The following CAMK1D variants were observed in gnomAD, a reference collection of about 807,000 sequenced individuals.
CAMK1D encodes calcium/calmodulin dependent protein kinase ID.
In CAMK1D, 9 loss-of-function variants were observed where a neutral mutation model predicts 47.7. That is an observed-to-expected ratio of 0.19 (90% CI 0.11 to 0.33). The LOEUF (loss-of-function observed/expected upper bound fraction) is 0.33, where lower values mean the gene tolerates loss of function less well. Among genes scored for constraint, CAMK1D ranks in the 10% least tolerant of loss-of-function variants. The pLI, the probability that CAMK1D is intolerant of heterozygous loss-of-function variation, is 1.00. For synonymous variants in CAMK1D, 184 were observed against 184.9 expected, an observed-to-expected ratio of 0.99 and a Z score of 0.04; for missense variants, 291 against 488.7, an observed-to-expected ratio of 0.60 and a Z score of 3.81.
intron 1 of CAMK1D, among the ~76,000 whole-genome samples, chr10:12,432,878 G>A (rs1367886569): frequency 1.3e-5 from 2 of 152,128 alleles, no homozygotes; most frequent in Admixed American, 1.3e-4. Flanking sequence ...AGATGGTGCC[G>A]TCTCGGCAAT....
At chr10:12,630,901 G>A (rs1369878156) in intron 2 of CAMK1D, among the ~76,000 whole-genome samples, 2 of 152,180 alleles carry the variant, frequency 1.3e-5, no homozygotes, top group African/African-American at 4.8e-5. Flanking sequence ...GGATCAGTGA[G>A]GGACAGGAGG....
At position 12,749,460 on chromosome 10, in the gene CAMK1D, AAAAAG is replaced by A. The variant is rs1252437804; in HGVS notation, c.300-11484_300-11480del. On this transcript the variant is annotated intron_variant, in intron 3 of 10. Coordinates refer to ENST00000619168, the MANE Select transcript of CAMK1D (RefSeq NM_153498.4). ...TAGAAAGTTAAAAAAAAAAAAAAAA[AAAAAG>A]AAATCCATTGTAAGAATGGCTTTTG... Among the ~76,000 whole-genome samples the A allele has an allele frequency of 2.0e-5, 3 of 151,220 alleles. No individual in the cohort carries two copies. The East Asian group carries it at 5.8e-4, about 29-fold the overall frequency.
intron 1 of CAMK1D, among the ~76,000 whole-genome samples, chr10:12,462,097 T>C (rs1833446115): frequency 6.6e-6 from 1 of 152,032 alleles, no homozygotes; most frequent in South Asian, 2.1e-4. Flanking sequence ...GTTAATTTTA[T>C]GAAAATTCAC....
At chr10:12,509,060 C>T (rs977434469) in intron 1 of CAMK1D, among the ~76,000 whole-genome samples, 3 of 152,168 alleles carry the variant, frequency 2.0e-5, no homozygotes, top group African/African-American at 7.2e-5. Flanking sequence ...AGAGTCTTGA[C>T]CATTCACAGC....
At chr10:12,748,732 G>A (rs1267089489) in intron 3 of CAMK1D, among the ~76,000 whole-genome samples, 1 of 152,110 alleles carries the variant, frequency 6.6e-6, no homozygotes, top group Non-Finnish European at 1.5e-5. Flanking sequence ...CCATCAGTGG[G>A]GATTGATAAT....
chr10:12,807,552 A>T (rs747538638), intron 6 of CAMK1D, among the ~76,000 whole-genome samples: 7 of 152,170 alleles, frequency 4.6e-5, no homozygotes, highest in Middle Eastern at 3.2e-3. Flanking sequence ...GCCTTCAAAG[A>T]ACTGCCTGGA....
chr10:12,555,252 G>A (rs1588627994), intron 2 of CAMK1D, among the ~76,000 whole-genome samples: 1 of 152,140 alleles, frequency 6.6e-6, no homozygotes, highest in African/African-American at 2.4e-5. Flanking sequence ...TCCACCCAAC[G>A]ATGTTCAGCC....
At chr10:12,645,098 T>A (rs1839777202) in intron 2 of CAMK1D, among the ~76,000 whole-genome samples, 1 of 152,184 alleles carries the variant, frequency 6.6e-6, no homozygotes, top group Non-Finnish European at 1.5e-5. Flanking sequence ...TATCCTCCTC[T>A]GCCTTCTTTG....
chr10:12,732,537 G>C (rs10795978), intron 3 of CAMK1D, among the ~76,000 whole-genome samples: 1 of 151,836 alleles, frequency 6.6e-6, no homozygotes, highest in Non-Finnish European at 1.5e-5. Flanking sequence ...CACTTCTTAC[G>C]TGGTGGCCGC....
chr10:12,706,471 A>G (rs1017600090), intron 3 of CAMK1D, among the ~76,000 whole-genome samples: 5 of 152,110 alleles, frequency 3.3e-5, no homozygotes, highest in African/African-American at 1.2e-4. Context: ...CAGCACTTTG[A>G]GAGGTCAAGG....
intron 2 of CAMK1D, among the ~76,000 whole-genome samples, chr10:12,653,980 C>G (rs1840051122): frequency 6.6e-6 from 1 of 152,116 alleles, no homozygotes; most frequent in South Asian, 2.1e-4. Context: ...ATGTGGGTAT[C>G]AGCACAGAGA....
At position 12,541,176 on chromosome 10, in the gene CAMK1D, C is replaced by A. The variant is rs542618761; in HGVS notation, c.93-12049C>A. On this transcript the variant is annotated intron_variant, in intron 1 of 10. Coordinates refer to ENST00000619168, the MANE Select transcript of CAMK1D (RefSeq NM_153498.4). Reference sequence around the variant, plus strand: ...TTCCAGATTGGGCCTGGCTTTTCTTCGGTCAGTGTGCTGAATTAGCACTAC... The same window carrying A: ...TTCCAGATTGGGCCTGGCTTTTCTTAGGTCAGTGTGCTGAATTAGCACTAC... Among the ~76,000 whole-genome samples, 6 of 152,204 alleles carry A rather than the reference C, an allele frequency of 3.9e-5. No individual in the cohort carries two copies. In the South Asian group the frequency reaches 1.2e-3, roughly 32 times the overall value.
At chr10:12,767,166 A>T (rs946104949) in intron 4 of CAMK1D, among the ~76,000 whole-genome samples, 27 of 152,134 alleles carry the variant, frequency 1.8e-4, no homozygotes, top group African/African-American at 5.8e-4. Context: ...GGTCTCAGTC[A>T]ATTTATTTTT....
intron 4 of CAMK1D, among the ~76,000 whole-genome samples, chr10:12,763,120 T>TG (rs1836582561): frequency 1.3e-5 from 2 of 152,224 alleles, no homozygotes; most frequent in Non-Finnish European, 2.9e-5. Flanking sequence ...TTCCATCCTG[T>TG]GGAGCCTTAA....
At chr10:12,566,031 G>C (rs1200422531) in intron 2 of CAMK1D, among the ~76,000 whole-genome samples, 1 of 152,106 alleles carries the variant, frequency 6.6e-6, no homozygotes, top group African/African-American at 2.4e-5. Flanking sequence ...TCAGACTCCT[G>C]CTTTAGAAGC....
At chr10:12,733,861 T>TATA (rs1367385615) in intron 3 of CAMK1D, among the ~76,000 whole-genome samples, 1 of 152,194 alleles carries the variant, frequency 6.6e-6, no homozygotes. Flanking sequence ...CTATTATATA[T>TATA]ACAGTCATTG....
intron 1 of CAMK1D, among the ~76,000 whole-genome samples, chr10:12,432,473 A>C (rs1002722746): frequency 8.5e-5 from 2 of 23,514 alleles, no homozygotes; most frequent in Admixed American, 4.6e-4. Context: ...ATTAATAAAT[A>C]AATCAATGAA....
At chr10:12,500,004 G>A (rs1834652451) in intron 1 of CAMK1D, among the ~76,000 whole-genome samples, 1 of 152,214 alleles carries the variant, frequency 6.6e-6, no homozygotes, top group South Asian at 2.1e-4. Context: ...GGTGGCTCAT[G>A]CCTGTAATCC....
chr10:12,685,469 G>A (rs1051921066), intron 3 of CAMK1D, among the ~76,000 whole-genome samples: 2 of 152,166 alleles, frequency 1.3e-5, no homozygotes, highest in African/African-American at 2.4e-5. Flanking sequence ...CTCAGGTTCA[G>A]AAGAGCCACC....
Sources: allele counts gnomAD v4.1 joint callset (sites outside exome capture counted in the v4.1 genomes callset), GRCh38; gene constraint gnomAD v4.1.1; transcripts MANE v1.5; gene names NCBI Gene and HGNC (gene_info 2026-07-23, HGNC 2026-07-21).